CEP57: variants seen among roughly 807,000 people sequenced by gnomAD.
CEP57 encodes the protein centrosomal protein 57.
Under a neutral mutation model 68.0 loss-of-function variants are expected in CEP57, and 40 were observed. That is an observed-to-expected ratio of 0.59 (90% CI 0.46 to 0.77). The LOEUF is 0.77. Ranked by LOEUF, CEP57 falls within the 30% of genes least tolerant of loss-of-function variation. CEP57 has a pLI of 0.00. For missense variants in CEP57, 606 were observed against 580.7 expected, an observed-to-expected ratio of 1.04 and a Z score of -0.45; for synonymous variants, 219 against 198.7, an observed-to-expected ratio of 1.10 and a Z score of -0.86.
At chr11:95,823,943 C>T (rs746895061) in intron 8 of CEP57, among the ~76,000 whole-genome samples, 8 of 151,940 alleles carry the variant, frequency 5.3e-5, no homozygotes, top group Non-Finnish European at 1.0e-4. Context: ...TGGAAGTGCT[C>T]CCAAGAAGCA....
chr11:95,830,952 T>C (rs1167069028), intron 10 of CEP57, 74 bp from the exon 11 acceptor site: 1 of 1,132,626 alleles, frequency 8.8e-7, no homozygotes, highest in African/African-American at 1.5e-5. Context: ...GGTACTCTTG[T>C]ACTTTTTGTT....
At position 95,799,313 on chromosome 11, in the gene CEP57, A is replaced by G. The variant is rs1312562112; in HGVS notation, c.127A>G (p.Lys43Glu). 2 of 1,614,122 alleles carry G rather than the reference A, an allele frequency of 1.2e-6. No individual in the cohort carries two copies. Among genetic ancestry groups the G allele is most frequent in the Admixed American group, 1.7e-5 (1 of 60,026 alleles). The change falls in exon 2 of 11, where the codon AAG becomes GAG. Residue 43 changes from lysine (K) to glutamate (E), a missense_variant. Coordinates refer to ENST00000325542, the MANE Select transcript of CEP57 (RefSeq NM_014679.5). ...SSPYVVYPSD[K>E]PFLNSDLRRS... Reference sequence around the variant, plus strand: ...TCCATATGTAGTATATCCTTCGGATAAGCCTTTCCTTAATAGTGATCTACG... The same window carrying G: ...TCCATATGTAGTATATCCTTCGGATGAGCCTTTCCTTAATAGTGATCTACG...
intron 2 of CEP57, among the ~76,000 whole-genome samples, chr11:95,806,933 C>T (rs1041740595): frequency 6.6e-6 from 1 of 152,216 alleles, no homozygotes; most frequent in African/African-American, 2.4e-5. Flanking sequence ...AAGTGGATCC[C>T]TGACCCCCAA....
At chr11:95,800,236 A>C (rs1861515908) in intron 2 of CEP57, among the ~76,000 whole-genome samples, 1 of 152,182 alleles carries the variant, frequency 6.6e-6, no homozygotes, top group South Asian at 2.1e-4. Flanking sequence ...TTCTTAGCCA[A>C]ATTCAGTTCC....
Position 95,814,655 on chromosome 11 carries a change from C to T in CEP57, c.504+1066C>T, listed in dbSNP as rs529056137. ...AATTACAGGCATGAGCCACCACGCCCGGCCAGCCTTGTGTATATTTTTTTA... is the reference window on the plus strand; with the variant it reads ...AATTACAGGCATGAGCCACCACGCCTGGCCAGCCTTGTGTATATTTTTTTA... On this transcript the variant is annotated intron_variant, in intron 4 of 10. Transcript: ENST00000325542. Among the ~76,000 whole-genome samples the T allele has an allele frequency of 2.5e-4, 38 of 152,308 alleles. 1 individual carries two copies. The highest frequency in any genetic ancestry group is 8.7e-4 in the African/African-American group (36 of 41,564).
In CEP57 at chr11:95,832,156, AT is replaced by A. The variant is rs1209797220; in HGVS notation, c.*901del. The A allele has an allele frequency of 6.6e-6, 1 of 152,146 alleles. No individual in the cohort carries two copies. The highest frequency in any genetic ancestry group is 1.9e-4 in the East Asian group (1 of 5,204). The allele number at this position is 152,146 out of a possible 1,614,324, so 9.4% of individuals were successfully genotyped here. On this transcript the variant is annotated 3_prime_UTR_variant, in exon 11 of 11. Coordinates refer to ENST00000325542, the MANE Select transcript of CEP57 (RefSeq NM_014679.5). ...ACACATAATTATCATGTTGATATAA[AT>A]CATAATTTCAACTAGATCAAGACAT...
chr11:95,812,811 G>A, intron 2 of CEP57, 121 bp from the exon 3 acceptor site: 1 of 869,730 alleles, frequency 1.1e-6, no homozygotes, highest in Non-Finnish European at 1.9e-6. Flanking sequence ...TTCCCAAAGA[G>A]TGATCCTCCA....
chr11:95,806,987 C>T (rs1260924126), intron 2 of CEP57, among the ~76,000 whole-genome samples: 3 of 152,202 alleles, frequency 2.0e-5, no homozygotes, highest in Non-Finnish European at 4.4e-5. Context: ...CCGACTGACA[C>T]CTCATACAGC....
At chr11:95,809,955 A>T (rs897196922) in intron 2 of CEP57, among the ~76,000 whole-genome samples, 1 of 152,198 alleles carries the variant, frequency 6.6e-6, no homozygotes, top group African/African-American at 2.4e-5. Context: ...TCCTCAATAA[A>T]ATACTGGCAA....
In CEP57 at chr11:95,828,015, G is replaced by A. The variant is rs958728086; in HGVS notation, c.1115G>A (p.Gly372Glu). 11 of 1,613,688 alleles carry A rather than the reference G, an allele frequency of 6.8e-6. No homozygotes were observed. The highest frequency in any genetic ancestry group is 8.5e-6 in the Non-Finnish European group (10 of 1,179,882). ...TTACAGACTTTACAGGATGAATTTGGGCAAATGAGCTTGTGAGTTTTTGTT... is the reference window on the plus strand; with the variant it reads ...TTACAGACTTTACAGGATGAATTTGAGCAAATGAGCTTGTGAGTTTTTGTT... Reference protein sequence around the residue: ...EVLQTLQDEFGQMSFDHQQLA... With the variant: ...EVLQTLQDEFEQMSFDHQQLA... Residue 372 changes from glycine to glutamate, a missense_variant, in exon 9 of 11, where the codon GGG becomes GAG. Transcript: ENST00000325542.
rs894140471 is a variant in CEP57 at position 95,790,654 on chromosome 11, C to T, written c.-45C>T. 6.2e-7 allele frequency: 1 copy of T among 1,606,860 alleles called. No individual in the cohort carries two copies. The highest frequency in any genetic ancestry group is 8.5e-7 in the Non-Finnish European group (1 of 1,176,528). On this transcript the variant is annotated 5_prime_UTR_variant, in exon 1 of 11. Coordinates refer to ENST00000325542, the MANE Select transcript of CEP57 (RefSeq NM_014679.5). ...GAGTCTTGGAGAAGAGCACGAGAAC[C>T]TAGACCGCCCCCGAAGTGCGGAGAC...
intron 5 of CEP57, among the ~76,000 whole-genome samples, 198 bp from the exon 6 acceptor site, chr11:95,818,629 A>C (rs1241337217): frequency 6.6e-6 from 1 of 152,142 alleles, no homozygotes; most frequent in Admixed American, 6.5e-5. Flanking sequence ...TTGTCCAGCT[A>C]CCTCACAGAT....
intron 2 of CEP57, among the ~76,000 whole-genome samples, chr11:95,804,391 C>T (rs1010886573): frequency 5.3e-5 from 8 of 152,126 alleles, no homozygotes; most frequent in Admixed American, 6.5e-5. Context: ...ACCTTAGGGA[C>T]AGTATTAGGA....
intron 4 of CEP57, among the ~76,000 whole-genome samples, chr11:95,816,282 A>ATTCTC (rs1232709975): frequency 4.6e-5 from 7 of 152,188 alleles, no homozygotes; most frequent in African/African-American, 1.7e-4. Flanking sequence ...TATGATGAGA[A>ATTCTC]CAGCATGGGG....
intron 8 of CEP57, chr11:95,822,846 G>A (rs1006074767): frequency 2.2e-6 from 1 of 451,674 alleles, no homozygotes; most frequent in Non-Finnish European, 4.1e-6. Flanking sequence ...TGTTGTTTCA[G>A]ATAGGGGTCA....
At chr11:95,795,877 A>C (rs1307385388) in intron 1 of CEP57, among the ~76,000 whole-genome samples, 1 of 152,128 alleles carries the variant, frequency 6.6e-6, no homozygotes, top group Non-Finnish European at 1.5e-5. Context: ...AGCTAAACTG[A>C]TGTATTCATT....
intron 8 of CEP57, chr11:95,826,229 C>A (rs958865251): frequency 6.6e-6 from 1 of 152,178 alleles, no homozygotes; most frequent in Non-Finnish European, 1.5e-5. Flanking sequence ...AATATACTTT[C>A]TCTTCCTTAG....
At chr11:95,808,662 A>C (rs574958213) in intron 2 of CEP57, among the ~76,000 whole-genome samples, 1 of 152,198 alleles carries the variant, frequency 6.6e-6, no homozygotes, top group Non-Finnish European at 1.5e-5. Flanking sequence ...AGCTAACCTA[A>C]ATATATATGC....
intron 10 of CEP57, among the ~76,000 whole-genome samples, chr11:95,830,117 CTGAGTA>C (rs1246290007): frequency 6.6e-6 from 1 of 152,162 alleles, no homozygotes; most frequent in African/African-American, 2.4e-5. Context: ...GCCAAGTGCT[CTGAGTA>C]TATCTTCTCA....
Sources: allele counts gnomAD v4.1 joint callset (sites outside exome capture counted in the v4.1 genomes callset), GRCh38; gene constraint gnomAD v4.1.1; transcripts MANE v1.5; gene names NCBI Gene and HGNC (gene_info 2026-07-23, HGNC 2026-07-21).